Variants in C3orf70 observed in about 807,000 individuals in gnomAD.
The protein encoded by C3orf70 is chromosome 3 open reading frame 70, also known as UPF0524 protein C3orf70.
A neutral mutation model predicts 20.7 loss-of-function variants in C3orf70; 15 were observed. The observed-to-expected ratio is 0.72, with a 90% CI of 0.48 to 1.11. C3orf70 has a LOEUF of 1.11. C3orf70 is among the 50% of genes most tolerant of loss of function. C3orf70 has a pLI of 0.00. For synonymous variants in C3orf70, 161 were observed against 125.7 expected, an observed-to-expected ratio of 1.28 and a Z score of -1.88; for missense variants, 332 against 317.6, an observed-to-expected ratio of 1.05 and a Z score of -0.34.
chr3:185,093,851 A>G (rs533285321), intron 1 of C3orf70, among the ~76,000 whole-genome samples: 2 of 152,074 alleles, frequency 1.3e-5, no homozygotes, highest in South Asian at 4.2e-4. Context: ...ATGACCTGAG[A>G]CCAGTCTCTT....
intron 1 of C3orf70, among the ~76,000 whole-genome samples, chr3:185,083,946 C>T (rs1274331847): frequency 6.6e-6 from 1 of 152,174 alleles, no homozygotes; most frequent in Non-Finnish European, 1.5e-5. Flanking sequence ...CAGTGGTTCA[C>T]GCCTGTAATG....
chr3:185,136,027 C>T (rs1387635433), intron 1 of C3orf70, among the ~76,000 whole-genome samples: 1 of 152,084 alleles, frequency 6.6e-6, no homozygotes, highest in Non-Finnish European at 1.5e-5. Flanking sequence ...GACAGAATGG[C>T]TTGCAATTCA....
intron 1 of C3orf70, among the ~76,000 whole-genome samples, chr3:185,141,638 G>GA (rs1176102445): frequency 6.6e-6 from 1 of 152,110 alleles, no homozygotes; most frequent in African/African-American, 2.4e-5. Flanking sequence ...TATGCTGAAT[G>GA]AAAAAAGCCA....
intron 1 of C3orf70, among the ~76,000 whole-genome samples, chr3:185,131,638 A>G (rs955297494): frequency 6.6e-6 from 1 of 152,232 alleles, no homozygotes; most frequent in African/African-American, 2.4e-5. Flanking sequence ...CTAGAAAAAA[A>G]TTGTAATATT....
At chr3:185,092,498 T>C (rs62289761) in intron 1 of C3orf70, among the ~76,000 whole-genome samples, 10,328 of 152,244 alleles carry the variant, frequency 0.068, 488 homozygotes, top group South Asian at 0.13. Context: ...CTAATATTTA[T>C]TGAGCCTCAA....
chr3:185,146,074 G>A (rs1036220283), intron 1 of C3orf70, among the ~76,000 whole-genome samples: 1 of 151,898 alleles, frequency 6.6e-6, no homozygotes, highest in Non-Finnish European at 1.5e-5. Context: ...GAACCTATCA[G>A]CTTTCTCTGT....
At chr3:185,112,343 G>T (rs1309190972) in intron 1 of C3orf70, among the ~76,000 whole-genome samples, 1 of 152,118 alleles carries the variant, frequency 6.6e-6, no homozygotes, top group African/African-American at 2.4e-5. Flanking sequence ...TATTCTGACT[G>T]TAACAAGAAA....
chr3:185,101,037 A>G (rs1715811136), intron 1 of C3orf70, among the ~76,000 whole-genome samples: 1 of 152,190 alleles, frequency 6.6e-6, no homozygotes, highest in Non-Finnish European at 1.5e-5. Context: ...TTAATCGGTA[A>G]TAAATAGCCC....
intron 1 of C3orf70, among the ~76,000 whole-genome samples, chr3:185,085,869 G>A (rs1715448608): frequency 6.6e-6 from 1 of 152,144 alleles, no homozygotes; most frequent in Non-Finnish European, 1.5e-5. Context: ...GAGAACCTGG[G>A]GAACTACTCT....
intron 1 of C3orf70, among the ~76,000 whole-genome samples, chr3:185,149,395 A>C (rs34948460): frequency 0.15 from 8,318 of 54,752 alleles, 152 homozygotes; most frequent in Non-Finnish European, 0.3. Context: ...TCTGTCTCCC[A>C]AAAAAAAAAA....
rs139439994 is a variant in C3orf70 at position 185,079,817 on chromosome 3, A to T, written c.*3190T>A. The T allele has an allele frequency of 6.5e-6, 1 of 152,802 alleles. No individual in the cohort carries two copies. Among genetic ancestry groups the T allele is most frequent in the East Asian group, 1.9e-4 (1 of 5,184 alleles). 9.5% of individuals were successfully genotyped at this position (152,802 alleles called of 1,614,324 possible). A position where few individuals can be genotyped will look rare whatever the true frequency, so the allele number is the denominator to read the frequency against. On this transcript the variant is annotated 3_prime_UTR_variant, in exon 2 of 2. Coordinates refer to ENST00000335012, the MANE Select transcript of C3orf70 (RefSeq NM_001025266.3). ...CCAATGAGCATATTACTGGGTCCAA[A>T]GTATACAGCTTTCATATCTGTCAGT...
chr3:185,152,171 T>C (rs1266933869), intron 1 of C3orf70, among the ~76,000 whole-genome samples: 1 of 152,120 alleles, frequency 6.6e-6, no homozygotes, highest in Non-Finnish European at 1.5e-5. Flanking sequence ...TTCTTTTAAA[T>C]AGCAGCCCAG....
chr3:185,152,834 T>G lies in C3orf70; in HGVS notation c.-11A>C. 6.6e-7 allele frequency: 1 copy of G among 1,514,604 alleles called. No homozygotes were observed. The highest frequency in any genetic ancestry group is 8.9e-7 in the Non-Finnish European group (1 of 1,124,928). The allele number at this position is 1,514,604 out of a possible 1,614,324, so 93.8% of individuals were successfully genotyped here. On this transcript the variant is annotated 5_prime_UTR_variant, in exon 1 of 2. Transcript: ENST00000335012. ...GGCCGCCGCACTCATTTCCTCTCCCTCCGCGCGGAGCCGACACCGGGAGCC... is the reference window on the plus strand; with the variant it reads ...GGCCGCCGCACTCATTTCCTCTCCCGCCGCGCGGAGCCGACACCGGGAGCC...
chr3:185,152,578 G>A, intron 1 of C3orf70, 50 bp downstream of exon 1: 2 of 1,487,288 alleles, frequency 1.3e-6, no homozygotes, highest in Non-Finnish European at 9.0e-7. Flanking sequence ...ACGGCCCGGC[G>A]GGCGTCCCCC....
At position 185,153,009 on chromosome 3, in the gene C3orf70, C is replaced by G; in HGVS notation, c.-186G>C. 3.6e-6 allele frequency: 1 copy of G among 278,814 alleles called. No homozygotes were observed. Among genetic ancestry groups the G allele is most frequent in the Admixed American group, 5.7e-5 (1 of 17,444 alleles). The allele number at this position is 278,814 out of a possible 1,614,324, so 17.3% of individuals were successfully genotyped here. A position where few individuals can be genotyped will look rare whatever the true frequency, so the allele number is the denominator to read the frequency against. On this transcript the variant is annotated 5_prime_UTR_variant, in exon 1 of 2. Transcript: ENST00000335012. The surrounding 1 kb of genome is among the most constrained non-coding windows in gnomAD (Gnocchi z 6.8). ...GAGGAGCCGCCCCGGGCGCTGCGAC[C>G]GGGTCCGGGCTGGCAGCCTCCCTCC...
Position 185,077,315 on chromosome 3 carries a change from G to A in C3orf70, c.*5692C>T, listed in dbSNP as rs769033101. Among the ~76,000 whole-genome samples the A allele has an allele frequency of 1.2e-4, 19 of 152,114 alleles. No homozygotes were observed. Among genetic ancestry groups the A allele is most frequent in the Non-Finnish European group, 2.6e-4 (18 of 68,036 alleles). The stretch of plus-strand genomic sequence containing the variant: ...ATGGGCCAAGAGTGCGGACTCTAGA[G>A]CCAAAGTGACCGGGTTCAAACCCTG... On this transcript the variant is annotated 3_prime_UTR_variant, in exon 2 of 2. Coordinates refer to ENST00000335012, the MANE Select transcript of C3orf70 (RefSeq NM_001025266.3).
chr3:185,116,855 T>C (rs1197962659), intron 1 of C3orf70, among the ~76,000 whole-genome samples: 4 of 151,732 alleles, frequency 2.6e-5, no homozygotes, highest in Non-Finnish European at 4.4e-5. Flanking sequence ...CTCGGCTCAC[T>C]GCAAGCTCCG....
intron 1 of C3orf70, among the ~76,000 whole-genome samples, chr3:185,144,921 A>T (rs922170217): frequency 1.4e-4 from 22 of 152,240 alleles, no homozygotes; most frequent in African/African-American, 4.6e-4. Flanking sequence ...CAGAATTGTT[A>T]TTCCTAGTTT....
At chr3:185,119,324 T>C (rs569053359) in intron 1 of C3orf70, among the ~76,000 whole-genome samples, 44 of 152,266 alleles carry the variant, frequency 2.9e-4, no homozygotes, top group African/African-American at 9.6e-4. Flanking sequence ...GTGACTATAG[T>C]TAATAATAAT....
Sources: gnomAD v4.1 joint callset for allele counts (sites outside exome capture counted in the v4.1 genomes callset) on GRCh38, gnomAD v4.1.1 for gene constraint, Gnocchi (gnomAD v3.1) non-coding constraint, MANE v1.5 for transcripts, NCBI Gene and HGNC (gene_info 2026-07-23, HGNC 2026-07-21) for gene names.